The following STRN4 variants were observed in gnomAD, a reference collection of about 807,000 sequenced individuals.
STRN4 encodes striatin 4, also known as striatin-4.
A neutral mutation model predicts 77.9 loss-of-function variants in STRN4; 27 were observed. The observed-to-expected ratio is 0.35, with a 90% CI of 0.26 to 0.48. The LOEUF (loss-of-function observed/expected upper bound fraction) is 0.48. STRN4 is among the 20% of genes least tolerant of loss of function. STRN4 has a pLI of 0.99. For missense variants in STRN4, 798 were observed against 1,049.7 expected (o/e 0.76, Z 3.31); for synonymous variants, 466 against 443.1 (o/e 1.05, Z -0.65).
At chr19:46,730,928 A>C in intron 5 of STRN4, 55 bp from the exon 6 acceptor site, 3 of 1,594,884 alleles carry the variant, frequency 1.9e-6, no homozygotes, top group Non-Finnish European at 1.7e-6. Flanking sequence ...GTCAAAGCTC[A>C]GATAGGAAGG....
chr19:46,738,322 C>G lies in STRN4; in HGVS notation c.387-85G>C. The stretch of plus-strand genomic sequence containing the variant: ...ACCTAAGGAATCCAGAATCCCAAAC[C>G]CCAAATCACAGGGCCTCCCCCAGCT... On this transcript the variant is annotated intron_variant, in intron 2 of 17. Transcript: ENST00000263280. The surrounding 1 kb of genome is among the most constrained non-coding windows in gnomAD (Gnocchi z 4.5). 1 of 1,299,808 alleles carries G rather than the reference C, an allele frequency of 7.7e-7. No homozygotes were observed. Among genetic ancestry groups the G allele is most frequent in the Non-Finnish European group, 1.1e-6 (1 of 899,572 alleles). The allele number at this position is 1,299,808 out of a possible 1,614,324, so 80.5% of individuals were successfully genotyped here.
In STRN4 at chr19:46,722,857, A is replaced by G. The variant is rs771498819; in HGVS notation, c.1859T>C (p.Met620Thr). The G allele has an allele frequency of 6.2e-6, 10 of 1,613,976 alleles. No individual in the cohort carries two copies. The highest frequency in any genetic ancestry group is 2.2e-5 in the East Asian group (1 of 44,890). The change falls in exon 14 of 18, where the codon ATG (methionine) becomes ACG (threonine). Residue 620 changes from methionine (M) to threonine (T), a missense_variant. Transcript: ENST00000263280. ...FRSGDTVLYD[M>T]EVGSALLTLE... ...CGTGAGGAGGGCACTGCCAACCTCC[A>G]TGTCATACAAGACGGTGTCGCCAGA...
chr19:46,727,159 G>A (rs910311480), intron 9 of STRN4, among the ~76,000 whole-genome samples: 2 of 152,352 alleles, frequency 1.3e-5, no homozygotes, highest in Middle Eastern at 3.4e-3. Context: ...ACACTAGATT[G>A]GCCTGACTTG....
chr19:46,724,694 C>A, intron 12 of STRN4, 113 bp downstream of exon 12: 1 of 1,488,092 alleles, frequency 6.7e-7, no homozygotes. Flanking sequence ...AGCCGTCACA[C>A]GCACTCCTGA....
chr19:46,728,509 C>A (rs2054175956), intron 7 of STRN4, 109 bp downstream of exon 7: 1 of 1,386,264 alleles, frequency 7.2e-7, no homozygotes, highest in South Asian at 1.4e-5. Flanking sequence ...GGAAACATAT[C>A]CGTCCGGTAG....
chr19:46,732,271 G>C (rs2054271379), intron 5 of STRN4: 1 of 152,640 alleles, frequency 6.6e-6, no homozygotes, highest in East Asian at 1.9e-4. Flanking sequence ...TCTCAGAGTG[G>C]ATCAGGTACG....
chr19:46,720,383 GGC>G (rs1249547096), intron 17 of STRN4, 45 bp from the exon 18 acceptor site: 1 of 463,862 alleles, frequency 2.2e-6, no homozygotes, highest in Non-Finnish European at 3.5e-6. Context: ...CCGCCTCTAG[GGC>G]GCCTCTAAGG....
intron 1 of STRN4, 113 bp from the exon 2 acceptor site, chr19:46,739,001 C>T (rs1331186099): frequency 8.4e-6 from 7 of 830,760 alleles, no homozygotes; most frequent in Non-Finnish European, 1.4e-5. Context: ...CAGTAATGGG[C>T]AGCAGCCACT....
rs374949354 is a variant in STRN4 at position 46,736,898 on chromosome 19, G to T, written c.464C>A (p.Ser155Tyr). Residue 155 changes from serine to tyrosine, a missense_variant, in exon 4 of 18, where the codon TCC becomes TAC. By Grantham distance (144) the Ser-to-Tyr change is moderately radical. Transcript: ENST00000263280. The stretch of plus-strand genomic sequence containing the variant: ...GGTGACCGATTCCACGGGGCCATTG[G>T]AGACTGGCGGGTGAGAGAACGGAGG... Reference protein sequence around the residue: ...EKKADVSEQVSNGPVESVTLE... With the variant: ...EKKADVSEQVYNGPVESVTLE... The T allele has an allele frequency of 6.2e-7, 1 of 1,612,118 alleles. No homozygotes were observed. The highest frequency in any genetic ancestry group is 1.7e-5 in the Admixed American group (1 of 59,828).
chr19:46,733,202 G>A lies in STRN4; in HGVS notation c.574C>T (p.Leu192Phe). ...LEEVGYTDTILDMRSKRVRSL... is the reference protein window; with the variant it reads ...LEEVGYTDTIFDMRSKRVRSL... Reference sequence around the variant, plus strand: ...CGGACGCGCTTGGACCGCATGTCGAGGATGGTGTCTGTGTAGCCCACCTCT... The same window carrying A: ...CGGACGCGCTTGGACCGCATGTCGAAGATGGTGTCTGTGTAGCCCACCTCT... Residue 192 changes from leucine (L) to phenylalanine (F), a missense_variant, in exon 5 of 18, where the codon CTC (leucine) becomes TTC (phenylalanine). Around this residue, in one of 2 missense-constraint regions of STRN4, gnomAD observed 511 missense variants for 575.9 expected, o/e 0.89. Transcript: ENST00000263280. The surrounding 1 kb of genome is among the most constrained non-coding windows in gnomAD (Gnocchi z 4.3). 6.2e-7 allele frequency: 1 copy of A among 1,611,080 alleles called. No individual in the cohort carries two copies. Among genetic ancestry groups the A allele is most frequent in the Non-Finnish European group, 8.5e-7 (1 of 1,180,016 alleles).
intron 16 of STRN4, chr19:46,721,621 AG>A (rs2053979256): frequency 8.0e-6 from 2 of 248,624 alleles, no homozygotes; most frequent in South Asian, 9.3e-5. Context: ...CCTTATCCAG[AG>A]ACAACAGGGT....
At position 46,746,402 on chromosome 19, in the gene STRN4, ACCGCGGCGG is replaced by A. The variant is rs1419660149; in HGVS notation, c.20_28del (p.Ala7_Ala9del). On this transcript the variant is annotated inframe_deletion, in exon 1 of 18. Coordinates refer to ENST00000263280, the MANE Select transcript of STRN4 (RefSeq NM_013403.3). ...ACGGCAGGAGGAGGCGGCGGCGGCG[ACCGCGGCGG>A]CCGCTCGCTCCTCCATCATGGAGGC... is the stretch of plus-strand genomic sequence containing the variant. 1 of 1,054,780 alleles carries A rather than the reference ACCGCGGCGG, an allele frequency of 9.5e-7. No individual in the cohort carries two copies. Among genetic ancestry groups the A allele is most frequent in the Non-Finnish European group, 1.1e-6 (1 of 878,644 alleles). 65.3% of individuals were successfully genotyped at this position (1,054,780 alleles called of 1,614,324 possible).
Position 46,738,761 on chromosome 19 carries a change from GC to G in STRN4, c.386+23del. On this transcript the variant is annotated intron_variant, in intron 2 of 17. Transcript: ENST00000263280. The surrounding 1 kb of genome is among the most constrained non-coding windows in gnomAD (Gnocchi z 4.5). ...TGCTTGAGACGGACCCAGAAGGCAGGCCCAGGGCAGGATGAAGGCTCACCTT... is the reference window on the plus strand; with the variant it reads ...TGCTTGAGACGGACCCAGAAGGCAGGCCAGGGCAGGATGAAGGCTCACCTT... The G allele has an allele frequency of 6.2e-7, 1 of 1,612,356 alleles. No homozygotes were observed. Among genetic ancestry groups the G allele is most frequent in the Middle Eastern group, 1.7e-4 (1 of 5,878 alleles).
chr19:46,728,643 A>T lies in STRN4; in HGVS notation c.1014T>A (p.Thr338=), dbSNP rs1399744461. The change falls in exon 7 of 18, where the codon ACT becomes ACA. Residue 338 remains threonine, a synonymous_variant. Coordinates refer to ENST00000263280, the MANE Select transcript of STRN4 (RefSeq NM_013403.3). ...GEGAPDPRRC[T]VDGSPHELES... is the part of the protein sequence containing the mutation. ...CCAGCTCATGGGGGCTCCCATCCAC[A>T]GTGCACCGCCGAGGGTCTGGAGCCC... is the stretch of plus-strand genomic sequence containing the variant. 3.1e-6 allele frequency: 5 copies of T among 1,613,910 alleles called. No homozygotes were observed. Among genetic ancestry groups the T allele is most frequent in the Non-Finnish European group, 3.4e-6 (4 of 1,179,910 alleles).
In STRN4 at chr19:46,733,184, G is replaced by T; in HGVS notation, c.592C>A (p.Arg198Ser). The change falls in exon 5 of 18, where the codon CGC becomes AGC. Residue 198 changes from arginine (R) to serine (S), a missense_variant. By Grantham distance (110) the Arg-to-Ser change is moderately radical. This residue lies in a region of STRN4 where 511 missense variants were observed against 575.9 expected (regional missense o/e 0.89). Coordinates refer to ENST00000263280, the MANE Select transcript of STRN4 (RefSeq NM_013403.3). The surrounding 1 kb of genome is among the most constrained non-coding windows in gnomAD (Gnocchi z 4.3). ...TDTILDMRSK[R>S]VRSLLGRSLE... ...GAGCGGCCCAGCAGGGAACGGACGC[G>T]CTTGGACCGCATGTCGAGGATGGTG... The T allele has an allele frequency of 6.2e-7, 1 of 1,611,250 alleles. No individual in the cohort carries two copies.
intron 1 of STRN4, among the ~76,000 whole-genome samples, chr19:46,744,477 G>A (rs2054536543): frequency 6.6e-6 from 1 of 152,098 alleles, no homozygotes; most frequent in African/African-American, 2.4e-5. Context: ...TCAACCTCCG[G>A]GGTTTAAGCA....
intron 7 of STRN4, 83 bp from the exon 8 acceptor site, chr19:46,728,090 GC>G: frequency 8.0e-7 from 1 of 1,248,044 alleles, no homozygotes. Context: ...CACACTGAGG[GC>G]CCCCTGCCAC....
Position 46,727,524 on chromosome 19 carries a change from G to T in STRN4, c.1176C>A (p.Ile392=). ...CCCCCAGGCTCACCTCCCCGCCCCC[G>T]ATAGTGTCCATGATGAAGACGTCTG... ...PHEDVFIMDT[I]GGGEVSLGDL... The change falls in exon 9 of 18, where the codon ATC becomes ATA. Residue 392 remains isoleucine (I), a synonymous_variant. Transcript: ENST00000263280. 6.2e-7 allele frequency: 1 copy of T among 1,614,006 alleles called. No individual in the cohort carries two copies. The highest frequency in any genetic ancestry group is 1.7e-5 in the Admixed American group (1 of 60,006).
chr19:46,725,983 TA>T (rs2054103982), intron 9 of STRN4: 2 of 248,882 alleles, frequency 8.0e-6, no homozygotes, highest in Admixed American at 9.9e-5. Flanking sequence ...GGCAATGAAT[TA>T]AAGATGCACA....
Sources: allele counts gnomAD v4.1 joint callset (sites outside exome capture counted in the v4.1 genomes callset), GRCh38; gene constraint gnomAD v4.1.1; regional missense constraint gnomAD v4.1.1; non-coding constraint Gnocchi (gnomAD v3.1); transcripts MANE v1.5; gene names NCBI Gene and HGNC (gene_info 2026-07-23, HGNC 2026-07-21).